The following CACNA1H variants were observed in gnomAD, a reference collection of about 807,000 sequenced individuals.
The protein encoded by CACNA1H is voltage-dependent T-type calcium channel subunit alpha-1H.
A neutral mutation model predicts 192.5 loss-of-function variants in CACNA1H; 149 were observed. The observed-to-expected ratio is 0.77, with a 90% confidence interval of 0.68 to 0.89. The LOEUF (loss-of-function observed/expected upper bound fraction) is 0.89. CACNA1H is among the 40% of genes least tolerant of loss of function. The pLI, the probability that CACNA1H is intolerant of heterozygous loss-of-function variation, is 0.00. For missense variants in CACNA1H, 4,257 were observed against 3,423.5 expected, an observed-to-expected ratio of 1.24 and a Z score of -6.08; for synonymous variants, 2,202 against 1,475.2, an observed-to-expected ratio of 1.49 and a Z score of -11.29.
In CACNA1H at chr16:1,204,168, G is replaced by C. The variant is rs765463723; in HGVS notation, c.2161G>C (p.Asp721His). The C allele has an allele frequency of 1.9e-5, 30 of 1,612,288 alleles. No individual in the cohort carries two copies. Among genetic ancestry groups the C allele is most frequent in the Non-Finnish European group, 2.4e-5 (28 of 1,179,744 alleles). Residue 721 changes from aspartate to histidine, a missense_variant, in exon 10 of 35, where the codon GAC becomes CAC. By Grantham distance (81) the Asp-to-His change is moderately conservative. Coordinates refer to ENST00000348261, the MANE Select transcript of CACNA1H (RefSeq NM_021098.3). ...TGAGCTCAGCGGCTCGGAAAGTGGA[G>C]ACTCAGATGGCCGTGGCGTCTATGA... ...EGELSGSESG[D>H]SDGRGVYEFT...
At chr16:1,216,335 G>C (rs1404688266) in intron 30 of CACNA1H, among the ~76,000 whole-genome samples, 2 of 152,266 alleles carry the variant, frequency 1.3e-5, no homozygotes, top group Admixed American at 1.3e-4. Context: ...ACTCCACCAG[G>C]TGCTCAGCTG....
chr16:1,209,027 C>G lies in CACNA1H; in HGVS notation c.3364-5C>G, dbSNP rs768382135. 6.7e-7 allele frequency: 1 copy of G among 1,500,188 alleles called. No individual in the cohort carries two copies. Among genetic ancestry groups the G allele is most frequent in the Non-Finnish European group, 8.8e-7 (1 of 1,132,616 alleles). 92.9% of individuals were successfully genotyped at this position (1,500,188 alleles called of 1,614,324 possible). ...ACCAGGTCACTGACTCCCGCCACCC[C>G]CCAGGCCAGCCTCCGAAGTTCTCCC... On this transcript the variant is annotated splice_region_variant and splice_polypyrimidine_tract_variant and intron_variant, in intron 16 of 34. Transcript: ENST00000348261.
Position 1,210,095 on chromosome 16 carries a change from C to T in CACNA1H, c.3805C>T (p.Arg1269Cys), listed in dbSNP as rs779802120. 7.1e-6 allele frequency: 11 copies of T among 1,560,066 alleles called. No individual in the cohort carries two copies. The highest frequency in any genetic ancestry group is 3.6e-5 in the South Asian group (3 of 84,502). The change falls in exon 18 of 35, where the codon CGC becomes TGC. Residue 1269 changes from arginine (R) to cysteine (C), a missense_variant. Arg to Cys is a radical substitution (Grantham distance 180, BLOSUM62 -3). Transcript: ENST00000348261. ...CTACAAGCCCCAGTGGTGCCGGAGC[C>T]GCGAGGCCTGGGCCCTCTACCTCTT... ...EPYKPQWCRS[R>C]EAWALYLFSP... is the part of the protein sequence containing the mutation.
At chr16:1,209,980 T>TG (rs202059492) in intron 17 of CACNA1H, 55 bp from the exon 18 acceptor site, 37,282 of 1,366,968 alleles carry the variant, frequency 0.027, 641 homozygotes, top group Middle Eastern at 0.1. Flanking sequence ...AGGGCCCTGA[T>TG]GGGGGGCCGG....
chr16:1,165,213 A>C (rs564887491), intron 2 of CACNA1H, among the ~76,000 whole-genome samples: 1 of 152,258 alleles, frequency 6.6e-6, no homozygotes, highest in African/African-American at 2.4e-5. Context: ...AGCAGAGAGC[A>C]CACGAGGCAC....
rs59952053 is a variant in CACNA1H, at chr16:1,206,305, C to G, written c.2789+16C>G. 1.3e-5 allele frequency: 20 copies of G among 1,547,212 alleles called. No homozygotes were observed. Among genetic ancestry groups the G allele is most frequent in the Non-Finnish European group, 1.7e-5 (19 of 1,145,706 alleles). ...TCATCTTCAGGTGGGCGCAACCCCCCTCCCGGCCCGCCCAGTGTCTCACCC... is the reference window on the plus strand; with the variant it reads ...TCATCTTCAGGTGGGCGCAACCCCCGTCCCGGCCCGCCCAGTGTCTCACCC... On this transcript the variant is annotated intron_variant, in intron 12 of 34. Coordinates refer to ENST00000348261, the MANE Select transcript of CACNA1H (RefSeq NM_021098.3).
intron 8 of CACNA1H, 79 bp downstream of exon 8, chr16:1,200,887 C>T (rs1204636960): frequency 1.3e-5 from 13 of 1,011,892 alleles, no homozygotes; most frequent in South Asian, 1.2e-4. Flanking sequence ...CCTGGGTGGT[C>T]ATAGGGGCTC....
chr16:1,183,650 G>A (rs1965696133), intron 2 of CACNA1H, among the ~76,000 whole-genome samples: 1 of 152,374 alleles, frequency 6.6e-6, no homozygotes, highest in East Asian at 1.9e-4. Context: ...CGCACTCAGG[G>A]CAGGCTCTGG....
chr16:1,207,709 G>T (rs754108648), intron 14 of CACNA1H, 61 bp from the exon 15 acceptor site: 6 of 1,426,280 alleles, frequency 4.2e-6, no homozygotes, highest in African/African-American at 1.4e-5. Flanking sequence ...ACTTCTGTCC[G>T]GCATGAAGGG....
intron 2 of CACNA1H, among the ~76,000 whole-genome samples, chr16:1,166,930 G>A (rs983185911): frequency 5.3e-5 from 8 of 152,212 alleles, no homozygotes; most frequent in Non-Finnish European, 2.9e-5. Context: ...TCTCTTGGAC[G>A]TAAATCTGGG....
In CACNA1H at chr16:1,212,645, G is replaced by C. The variant is rs915242926; in HGVS notation, c.4777+117G>C. On this transcript the variant is annotated intron_variant, in intron 26 of 34. Coordinates refer to ENST00000348261, the MANE Select transcript of CACNA1H (RefSeq NM_021098.3). ...AGGGTGGGCACAGGCAGCCGGAGGT[G>C]CTGGGCGTGTGGCGTGAGGAGGGGC... 4 of 1,290,298 alleles carry C rather than the reference G, an allele frequency of 3.1e-6. No homozygotes were observed. The East Asian group carries it at 1.0e-4, about 33-fold the overall frequency. The allele number at this position is 1,290,298 out of a possible 1,614,324, so 79.9% of individuals were successfully genotyped here.
chr16:1,169,173 T>C (rs796506323), intron 2 of CACNA1H, among the ~76,000 whole-genome samples: 1 of 7,320 alleles, frequency 1.4e-4, no homozygotes. Context: ...GGGGTGGGGG[T>C]GGGGGTGGGG....
rs374905625 is a variant in CACNA1H, at chr16:1,176,801, G to A, written c.300-18171G>A. ...AGCGGGGCCGCCCCGCCGGGGAGCT[G>A]CCTCTGTCCTGCCTCCCCTCGGCCC... On this transcript the variant is annotated intron_variant, in intron 2 of 34. Coordinates refer to ENST00000348261, the MANE Select transcript of CACNA1H (RefSeq NM_021098.3). Among the ~76,000 whole-genome samples, 3 of 152,322 alleles carry A rather than the reference G, an allele frequency of 2.0e-5. No individual in the cohort carries two copies. The East Asian group carries it at 5.8e-4, about 29-fold the overall frequency.
At position 1,218,378 on chromosome 16, in the gene CACNA1H, G is replaced by A. The variant is rs1457408705; in HGVS notation, c.5614G>A (p.Glu1872Lys). 1 of 1,561,022 alleles carries A rather than the reference G, an allele frequency of 6.4e-7. No individual in the cohort carries two copies. Among genetic ancestry groups the A allele is most frequent in the South Asian group, 1.2e-5 (1 of 84,514 alleles). ...GGAGGAGAGCAACAAGGAGGCACGG[G>A]AGGATGCGGAGCTGGACGCCGAGAT... The part of the protein sequence containing the change: ...HLEESNKEAR[E>K]DAELDAEIEL... The change falls in exon 33 of 35, where the codon GAG (glutamate) becomes AAG (lysine). Residue 1872 changes from glutamate (E) to lysine (K), a missense_variant. Transcript: ENST00000348261.
intron 26 of CACNA1H, among the ~76,000 whole-genome samples, chr16:1,213,109 A>T (rs1234622170): frequency 1.3e-5 from 2 of 152,228 alleles, no homozygotes; most frequent in African/African-American, 4.8e-5. Context: ...GGACACACGC[A>T]GATGGCGGGC....
chr16:1,211,307 C>G lies in CACNA1H; in HGVS notation c.4350+13C>G. On this transcript the variant is annotated intron_variant, in intron 22 of 34. Coordinates refer to ENST00000348261, the MANE Select transcript of CACNA1H (RefSeq NM_021098.3). ...TTTGGGTGTGCAGGTGTGTGGCCCC[C>G]ACGTGCCCGGGGGTCTGCCCCGTCG... The G allele has an allele frequency of 6.2e-7, 1 of 1,612,758 alleles. No individual in the cohort carries two copies. Among genetic ancestry groups the G allele is most frequent in the Non-Finnish European group, 8.5e-7 (1 of 1,179,616 alleles).
At chr16:1,194,239 G>A (rs948256496) in intron 2 of CACNA1H, among the ~76,000 whole-genome samples, 13 of 152,170 alleles carry the variant, frequency 8.5e-5, no homozygotes, top group African/African-American at 3.1e-4. Flanking sequence ...CGGTTCCCAC[G>A]TGTTGGTGAC....
chr16:1,185,204 T>G (rs1049523212), intron 2 of CACNA1H, among the ~76,000 whole-genome samples: 44 of 152,074 alleles, frequency 2.9e-4, no homozygotes, highest in African/African-American at 1.0e-3. Context: ...CATGGCTGAG[T>G]AATATTCCAG....
intron 10 of CACNA1H, 88 bp downstream of exon 10, chr16:1,204,546 C>A (rs367671434): frequency 9.5e-7 from 1 of 1,052,952 alleles, no homozygotes; most frequent in Non-Finnish European, 1.4e-6. Context: ...GCCCCGATGC[C>A]TGACCTGATG....
Sources: gnomAD v4.1 joint callset for allele counts (sites outside exome capture counted in the v4.1 genomes callset) on GRCh38, gnomAD v4.1.1 for gene constraint, MANE v1.5 for transcripts, NCBI Gene and HGNC (gene_info 2026-07-23, HGNC 2026-07-21) for gene names.